Variants in NPR3 observed in about 807,000 individuals in gnomAD.
The protein encoded by NPR3 is natriuretic peptide receptor 3.
A neutral mutation model predicts 54.5 loss-of-function variants in NPR3; 34 were observed. The ratio of observed to expected loss-of-function variants is 0.62; its 90% CI spans 0.47 to 0.83. The LOEUF (loss-of-function observed/expected upper bound fraction) is 0.83. NPR3 is among the 40% of genes least tolerant of loss of function. NPR3 has a pLI of 0.00. For missense variants in NPR3, 674 were observed against 720.8 expected, an observed-to-expected ratio of 0.94 and a Z score of 0.74; for synonymous variants, 289 against 297.1, an observed-to-expected ratio of 0.97 and a Z score of 0.28.
intron 3 of NPR3, among the ~76,000 whole-genome samples, chr5:32,744,639 T>G (rs868385564): frequency 6.6e-6 from 1 of 152,218 alleles, no homozygotes; most frequent in Non-Finnish European, 1.5e-5. Flanking sequence ...CTCTTACTTT[T>G]GTTTCTTGTA....
chr5:32,714,491 C>A (rs3811970), intron 1 of NPR3, among the ~76,000 whole-genome samples: 1 of 147,810 alleles, frequency 6.8e-6, no homozygotes, highest in East Asian at 2.0e-4. Flanking sequence ...CATAGACGTT[C>A]CGAAGTCTCT....
intron 1 of NPR3, among the ~76,000 whole-genome samples, chr5:32,695,384 C>A (rs1458429275): frequency 2.6e-5 from 4 of 152,220 alleles, no homozygotes; most frequent in Non-Finnish European, 4.4e-5. Context: ...CCTGCCTCAG[C>A]CTCCGGACTA....
intron 1 of NPR3, among the ~76,000 whole-genome samples, chr5:32,696,065 G>A (rs2111809264): frequency 6.6e-6 from 1 of 152,264 alleles, no homozygotes; most frequent in Middle Eastern, 3.4e-3. Flanking sequence ...GGTTGCTTGT[G>A]CTTGTGGGGT....
intron 3 of NPR3, among the ~76,000 whole-genome samples, chr5:32,773,263 G>GT (rs1042523556): frequency 6.6e-6 from 1 of 152,100 alleles, no homozygotes; most frequent in Non-Finnish European, 1.5e-5. Flanking sequence ...TTTGTACAGA[G>GT]TTTTTTTGTA....
chr5:32,749,497 T>A (rs1740467972), intron 3 of NPR3, among the ~76,000 whole-genome samples: 1 of 152,178 alleles, frequency 6.6e-6, no homozygotes, highest in Non-Finnish European at 1.5e-5. Flanking sequence ...TGTGTATGAG[T>A]GGAACTTGTT....
chr5:32,711,040 C>T (rs985029824), upstream of NPR3, among the ~76,000 whole-genome samples: 3 of 152,056 alleles, frequency 2.0e-5, no homozygotes, highest in African/African-American at 7.2e-5. Context: ...GGTGGGGGCT[C>T]TTGCCGGTGC....
intron 1 of NPR3, among the ~76,000 whole-genome samples, chr5:32,721,990 T>G (rs552816226): frequency 1.3e-4 from 20 of 152,296 alleles, no homozygotes; most frequent in African/African-American, 4.3e-4. Context: ...CCTGGTGACC[T>G]TATCTAATCA....
chr5:32,789,498 C>A lies in NPR3; in HGVS notation c.*3153C>A, dbSNP rs1308421199. 5.6e-6 allele frequency: 3 copies of A among 534,698 alleles called. No individual in the cohort carries two copies. Among genetic ancestry groups the A allele is most frequent in the Admixed American group, 1.9e-5 (1 of 51,584 alleles). The allele number at this position is 534,698 out of a possible 1,614,324, so 33.1% of individuals were successfully genotyped here. A position where few individuals can be genotyped will look rare whatever the true frequency, so the allele number is the denominator to read the frequency against. On this transcript the variant is annotated 3_prime_UTR_variant, in exon 8 of 8. Transcript: ENST00000265074. ...TGGTTCTACAGACCCTACTATAATTCTTCACATTTCAGAACCCATGTTTAA... is the reference window on the plus strand; with the variant it reads ...TGGTTCTACAGACCCTACTATAATTATTCACATTTCAGAACCCATGTTTAA...
intron 3 of NPR3, among the ~76,000 whole-genome samples, chr5:32,760,988 G>T (rs68105234): frequency 0.041 from 6,296 of 151,950 alleles, 148 homozygotes; most frequent in Non-Finnish European, 0.051. Flanking sequence ...TTTTAAGTGC[G>T]GTTCTTAGAC....
chr5:32,740,502 C>CT (rs942003016), intron 3 of NPR3, among the ~76,000 whole-genome samples: 1 of 151,282 alleles, frequency 6.6e-6, no homozygotes, highest in African/African-American at 2.4e-5. Flanking sequence ...TTTAAAATAC[C>CT]TTTTGACTTT....
intron 2 of NPR3, among the ~76,000 whole-genome samples, chr5:32,725,964 T>C (rs1739117359): frequency 1.3e-5 from 2 of 152,168 alleles, no homozygotes; most frequent in African/African-American, 4.8e-5. Flanking sequence ...GCAGGGTTCC[T>C]GTCATGGAGG....
At chr5:32,707,993 C>A (rs2111827518), upstream of NPR3, among the ~76,000 whole-genome samples, 2 of 109,560 alleles carry the variant, frequency 1.8e-5, no homozygotes, top group Admixed American at 9.2e-5. Flanking sequence ...ATTGTAGTAG[C>A]TTTAAAAAAA....
intron 3 of NPR3, among the ~76,000 whole-genome samples, chr5:32,755,904 T>C (rs911626570): frequency 5.3e-5 from 8 of 152,220 alleles, no homozygotes; most frequent in Non-Finnish European, 1.0e-4. Flanking sequence ...GTTTCCAACT[T>C]CATCCATGTC....
rs796949596 is a variant in NPR3, at chr5:32,694,307, T to A, written c.100+5121T>A. ...AGGTCTGTTGTAATCAGGCAGTAGA[T>A]AATTCCAAACAAATTACAACATAAC... is the stretch of plus-strand genomic sequence containing the variant. On this transcript the variant is annotated intron_variant, in intron 1 of 5. Coordinates refer to the NPR3 transcript ENST00000509104. 2.0e-5 allele frequency among the ~76,000 whole-genome samples: 3 copies of A among 152,252 alleles called. No individual in the cohort carries two copies. In the South Asian group the frequency reaches 6.2e-4, roughly 32 times the overall value.
intron 3 of NPR3, among the ~76,000 whole-genome samples, chr5:32,770,654 T>G (rs1448722573): frequency 1.3e-5 from 2 of 152,174 alleles, no homozygotes; most frequent in East Asian, 1.9e-4. Context: ...GTAACTTGCA[T>G]GCACAGAGCC....
intron 1 of NPR3, among the ~76,000 whole-genome samples, chr5:32,701,727 C>A (rs540013039): frequency 2.6e-5 from 4 of 152,188 alleles, no homozygotes; most frequent in Non-Finnish European, 5.9e-5. Flanking sequence ...TCTGTATCTG[C>A]ATTAGGCGGC....
At chr5:32,725,153 T>A (rs141891534) in intron 2 of NPR3, among the ~76,000 whole-genome samples, 5 of 152,112 alleles carry the variant, frequency 3.3e-5, no homozygotes, top group African/African-American at 1.2e-4. Flanking sequence ...AAAACCCTGT[T>A]GGGTACTACG....
At chr5:32,740,802 A>G (rs1739998779) in intron 3 of NPR3, among the ~76,000 whole-genome samples, 1 of 152,172 alleles carries the variant, frequency 6.6e-6, no homozygotes, top group Non-Finnish European at 1.5e-5. Flanking sequence ...AATGGGCCAC[A>G]CATGACTAGT....
chr5:32,771,439 C>T (rs566505139), intron 3 of NPR3, among the ~76,000 whole-genome samples: 1 of 152,274 alleles, frequency 6.6e-6, no homozygotes, highest in African/African-American at 2.4e-5. Context: ...ATTAAACCTG[C>T]GAGGACGAAA....
Sources: gnomAD v4.1 joint callset for allele counts (sites outside exome capture counted in the v4.1 genomes callset) on GRCh38, gnomAD v4.1.1 for gene constraint, MANE v1.5 for transcripts, NCBI Gene and HGNC (gene_info 2026-07-23, HGNC 2026-07-21) for gene names.